MDGA2: variants seen among roughly 807,000 people sequenced by gnomAD.
The protein encoded by MDGA2 is MAM domain containing glycosylphosphatidylinositol anchor 2.
In MDGA2, 40 loss-of-function variants were observed where a neutral mutation model predicts 117.8. The ratio of observed to expected loss-of-function variants is 0.34; its 90% CI spans 0.26 to 0.44. MDGA2 has a LOEUF of 0.44. Among genes scored for constraint, MDGA2 ranks in the 20% least tolerant of loss-of-function variants. The probability of loss-of-function intolerance (pLI) is 1.00; values close to 1 mark genes in which losing one functional copy is unlikely to be tolerated. For synonymous variants in MDGA2, 452 were observed against 439.0 expected (o/e 1.03, Z -0.37); for missense variants, 1,123 against 1,250.6 (o/e 0.90, Z 1.54).
intron 1 of MDGA2, among the ~76,000 whole-genome samples, chr14:47,348,775 A>G (rs1417104689): frequency 6.6e-6 from 1 of 152,184 alleles, no homozygotes; most frequent in African/African-American, 2.4e-5. Flanking sequence ...GGTGGCAAGA[A>G]CTTAAGAAAA....
chr14:47,422,070 T>G (rs1156764448), intron 1 of MDGA2, among the ~76,000 whole-genome samples: 1 of 152,162 alleles, frequency 6.6e-6, no homozygotes, highest in Non-Finnish European at 1.5e-5. Context: ...GGCATAGACA[T>G]TTATGCTCTG....
At chr14:46,910,767 G>A (rs1566520365) in intron 10 of MDGA2, among the ~76,000 whole-genome samples, 1 of 152,172 alleles carries the variant, frequency 6.6e-6, no homozygotes, top group Non-Finnish European at 1.5e-5. Context: ...TGGTAGACTG[G>A]ATAAACAAAA....
chr14:47,307,533 T>G (rs1889492414), intron 1 of MDGA2, among the ~76,000 whole-genome samples: 1 of 151,952 alleles, frequency 6.6e-6, no homozygotes, highest in Non-Finnish European at 1.5e-5. Context: ...ATACAAAAAT[T>G]AGCCAGGTGT....
At chr14:47,451,547 T>G (rs1011635690) in intron 1 of MDGA2, among the ~76,000 whole-genome samples, 3 of 152,132 alleles carry the variant, frequency 2.0e-5, no homozygotes, top group Admixed American at 6.6e-5. Flanking sequence ...TAAAGGAATC[T>G]TTGAGGCTAA....
At chr14:47,024,069 A>C (rs959754861) in intron 8 of MDGA2, among the ~76,000 whole-genome samples, 4 of 152,234 alleles carry the variant, frequency 2.6e-5, no homozygotes, top group Non-Finnish European at 4.4e-5. Context: ...CCTCTGCATG[A>C]AGATAAGACA....
intron 9 of MDGA2, among the ~76,000 whole-genome samples, chr14:46,953,334 C>A (rs1046730022): frequency 6.6e-6 from 1 of 151,290 alleles, no homozygotes; most frequent in Admixed American, 6.6e-5. Context: ...AAACACCACC[C>A]CTTTAGTATC....
At chr14:46,910,412 C>CT (rs982754093) in intron 10 of MDGA2, among the ~76,000 whole-genome samples, 1 of 152,130 alleles carries the variant, frequency 6.6e-6, no homozygotes, top group Non-Finnish European at 1.5e-5. Context: ...TCTTTTGACT[C>CT]TTTTAGTGTC....
intron 10 of MDGA2, among the ~76,000 whole-genome samples, chr14:46,890,828 A>C (rs1478985025): frequency 6.6e-6 from 1 of 152,156 alleles, no homozygotes; most frequent in Admixed American, 6.6e-5. Context: ...GCGATCACAG[A>C]AATAGAAGTA....
chr14:47,653,438 A>G (rs1266769568), intron 1 of MDGA2, among the ~76,000 whole-genome samples: 1 of 152,106 alleles, frequency 6.6e-6, no homozygotes, highest in East Asian at 1.9e-4. Context: ...AGTAATAATT[A>G]CAAGGACTAC....
At chr14:47,549,335 C>T (rs1895531331) in intron 1 of MDGA2, among the ~76,000 whole-genome samples, 1 of 146,602 alleles carries the variant, frequency 6.8e-6, no homozygotes, top group African/African-American at 2.6e-5. Context: ...ATAGGTTTCA[C>T]CAGTATTATC....
chr14:47,606,246 T>C (rs958657574), intron 1 of MDGA2, among the ~76,000 whole-genome samples: 21 of 152,144 alleles, frequency 1.4e-4, no homozygotes, highest in Admixed American at 2.6e-4. Flanking sequence ...ATGAACTAGA[T>C]ATAGAAAGTG....
intron 1 of MDGA2, among the ~76,000 whole-genome samples, chr14:47,427,929 A>G (rs1166205399): frequency 6.6e-6 from 1 of 152,176 alleles, no homozygotes; most frequent in Non-Finnish European, 1.5e-5. Context: ...TCTATGGATT[A>G]GCTGCAACCT....
chr14:47,382,227 G>T (rs554911587), intron 1 of MDGA2, among the ~76,000 whole-genome samples: 1 of 152,264 alleles, frequency 6.6e-6, no homozygotes, highest in African/African-American at 2.4e-5. Flanking sequence ...AGACTTACAT[G>T]TTAGACCTAA....
intron 9 of MDGA2, among the ~76,000 whole-genome samples, chr14:46,936,426 G>A (rs12895198): frequency 1.8e-4 from 28 of 152,188 alleles, no homozygotes; most frequent in African/African-American, 6.0e-4. Context: ...ATTGGTACAT[G>A]TAGGGAGATG....
intron 1 of MDGA2, among the ~76,000 whole-genome samples, chr14:47,557,098 C>T (rs992766936): frequency 2.6e-5 from 4 of 152,076 alleles, no homozygotes; most frequent in Admixed American, 6.5e-5. Flanking sequence ...TTCCCCAGGG[C>T]GCATAGTTCA....
At chr14:47,193,841 C>T (rs1042037774) in intron 3 of MDGA2, among the ~76,000 whole-genome samples, 6 of 152,152 alleles carry the variant, frequency 3.9e-5, no homozygotes, top group Non-Finnish European at 7.3e-5. Flanking sequence ...TATAAAATTA[C>T]ATTAAACATG....
chr14:47,004,995 G>T (rs1370148619), intron 8 of MDGA2, among the ~76,000 whole-genome samples: 2 of 151,456 alleles, frequency 1.3e-5, no homozygotes, highest in Non-Finnish European at 3.0e-5. Flanking sequence ...ATTAGCTCTA[G>T]TATCTTTTGT....
At chr14:47,128,884 T>A (rs1012006132) in intron 5 of MDGA2, among the ~76,000 whole-genome samples, 1 of 151,810 alleles carries the variant, frequency 6.6e-6, no homozygotes, top group Admixed American at 6.6e-5. Flanking sequence ...TGAGACGAGG[T>A]TTCACTGTGT....
At chr14:47,125,233 G>C (rs1566638550) in intron 5 of MDGA2, among the ~76,000 whole-genome samples, 1 of 152,190 alleles carries the variant, frequency 6.6e-6, no homozygotes, top group Admixed American at 6.6e-5. Context: ...TACACTGGCT[G>C]TCTATGACCA....
Sources: allele counts gnomAD v4.1 joint callset (sites outside exome capture counted in the v4.1 genomes callset), GRCh38; gene constraint gnomAD v4.1.1; transcripts MANE v1.5; gene names NCBI Gene and HGNC (gene_info 2026-07-23, HGNC 2026-07-21).